Variants in CUX2 observed in about 807,000 individuals in gnomAD.
CUX2 encodes the protein homeobox protein cut-like 2.
CUX2 carries 40 observed loss-of-function variants against 144.8 expected under a neutral mutation model. The observed-to-expected ratio is 0.28, with a 90% CI of 0.21 to 0.36. The LOEUF (loss-of-function observed/expected upper bound fraction) is 0.36. Ranked by LOEUF, CUX2 falls within the 10% of genes least tolerant of loss-of-function variation. The probability of loss-of-function intolerance (pLI) is 1.00; values close to 1 mark genes in which losing one functional copy is unlikely to be tolerated. For missense variants in CUX2, 1,615 were observed against 1,994.0 expected, an observed-to-expected ratio of 0.81 and a Z score of 3.62; for synonymous variants, 827 against 875.6, an observed-to-expected ratio of 0.94 and a Z score of 0.98.
At chr12:111,067,606 G>A (rs1156710191) in intron 1 of CUX2, among the ~76,000 whole-genome samples, 1 of 152,202 alleles carries the variant, frequency 6.6e-6, no homozygotes, top group Non-Finnish European at 1.5e-5. Context: ...CCCAAAACAT[G>A]TCTCCCCATG....
intron 1 of CUX2, among the ~76,000 whole-genome samples, chr12:111,126,709 C>A (rs1005879236): frequency 6.6e-6 from 1 of 152,128 alleles, no homozygotes; most frequent in South Asian, 2.1e-4. Flanking sequence ...GTCACAGATA[C>A]CCCCAGAATA....
intron 1 of CUX2, among the ~76,000 whole-genome samples, chr12:111,198,746 G>C (rs933349910): frequency 6.6e-6 from 1 of 152,246 alleles, no homozygotes; most frequent in Non-Finnish European, 1.5e-5. Flanking sequence ...GCACTGGGGG[G>C]GATGGGGAGG....
At chr12:111,242,196 A>G (rs1255364828) in intron 3 of CUX2, among the ~76,000 whole-genome samples, 1 of 152,232 alleles carries the variant, frequency 6.6e-6, no homozygotes, top group African/African-American at 2.4e-5. Flanking sequence ...ATCGCATTGA[A>G]TCCTGGCCTG....
intron 3 of CUX2, among the ~76,000 whole-genome samples, chr12:111,240,044 A>T (rs992058413): frequency 6.6e-6 from 1 of 152,238 alleles, no homozygotes; most frequent in African/African-American, 2.4e-5. Context: ...AGCTATGCAG[A>T]CCGTATCCTT....
chr12:111,318,779 A>G (rs745947027), intron 16 of CUX2, among the ~76,000 whole-genome samples: 17 of 151,706 alleles, frequency 1.1e-4, no homozygotes, highest in Non-Finnish European at 1.9e-4. Flanking sequence ...GGCTCAAGCA[A>G]TGCTCCCAAC....
chr12:111,317,698 GAA>G (rs1359034573), intron 16 of CUX2, among the ~76,000 whole-genome samples: 2 of 152,096 alleles, frequency 1.3e-5, no homozygotes, highest in Non-Finnish European at 2.9e-5. Flanking sequence ...GAACTTGATA[GAA>G]AACATGTGAT....
intron 1 of CUX2, among the ~76,000 whole-genome samples, chr12:111,092,071 G>T (rs1872589046): frequency 6.6e-6 from 1 of 152,192 alleles, no homozygotes; most frequent in South Asian, 2.1e-4. Flanking sequence ...TTCCAAATAA[G>T]GTCACATTCT....
At chr12:111,323,040 C>T (rs1395200643) in intron 18 of CUX2, among the ~76,000 whole-genome samples, 1 of 152,308 alleles carries the variant, frequency 6.6e-6, no homozygotes, top group Non-Finnish European at 1.5e-5. Flanking sequence ...TCAGCTTTGC[C>T]CGGGTGAGGA....
chr12:111,078,192 C>G (rs1018463075), intron 1 of CUX2, among the ~76,000 whole-genome samples: 1 of 152,232 alleles, frequency 6.6e-6, no homozygotes, highest in Non-Finnish European at 1.5e-5. Flanking sequence ...CGGCACCAGA[C>G]TAGGCATCGG....
At chr12:111,281,745 G>A (rs1432468021) in intron 4 of CUX2, among the ~76,000 whole-genome samples, 1 of 152,206 alleles carries the variant, frequency 6.6e-6, no homozygotes, top group Non-Finnish European at 1.5e-5. Flanking sequence ...TTACAGATGG[G>A]GAAACTGAGG....
Position 111,095,794 on chromosome 12 carries a change from C to T in CUX2, c.63+61554C>T, listed in dbSNP as rs115186240. On this transcript the variant is annotated intron_variant, in intron 1 of 21. Coordinates refer to ENST00000261726, the MANE Select transcript of CUX2 (RefSeq NM_015267.4). ...CTACTTTTTCTCTCCATGAAATAAG[C>T]GAAACTCACAGCCTCCATTTTGTCT... 2.6e-3 allele frequency among the ~76,000 whole-genome samples: 392 copies of T among 152,286 alleles called. 2 individuals are homozygous for T. Among genetic ancestry groups the T allele is most frequent in the African/African-American group, 8.8e-3 (367 of 41,548 alleles).
intron 3 of CUX2, among the ~76,000 whole-genome samples, chr12:111,258,800 T>C (rs1883963933): frequency 6.6e-6 from 1 of 152,130 alleles, no homozygotes; most frequent in Non-Finnish European, 1.5e-5. Flanking sequence ...AGTCTCCTAC[T>C]TCAGCCTCCT....
chr12:111,223,021 G>A (rs2136234698), intron 3 of CUX2, among the ~76,000 whole-genome samples: 1 of 152,276 alleles, frequency 6.6e-6, no homozygotes, highest in East Asian at 1.9e-4. Flanking sequence ...CTTTTGGTAT[G>A]AGGGAGAGCA....
At chr12:111,067,785 G>A (rs1871083082) in intron 1 of CUX2, among the ~76,000 whole-genome samples, 1 of 152,150 alleles carries the variant, frequency 6.6e-6, no homozygotes, top group Non-Finnish European at 1.5e-5. Context: ...GGGGACAGAG[G>A]GAGGCCATAG....
intron 1 of CUX2, among the ~76,000 whole-genome samples, chr12:111,133,953 A>G (rs1179244281): frequency 2.0e-5 from 3 of 152,166 alleles, no homozygotes; most frequent in Non-Finnish European, 2.9e-5. Context: ...TCAGGGTTCC[A>G]TTCCATCACA....
At chr12:111,085,245 G>A (rs141025701) in intron 1 of CUX2, among the ~76,000 whole-genome samples, 2 of 152,320 alleles carry the variant, frequency 1.3e-5, no homozygotes, top group African/African-American at 4.8e-5. Flanking sequence ...CTTTCATTCA[G>A]TGACATTCCA....
At position 111,246,870 on chromosome 12, in the gene CUX2, C is replaced by G. The variant is rs1883305778; in HGVS notation, c.223-16891C>G. 6.6e-6 allele frequency among the ~76,000 whole-genome samples: 1 copy of G among 152,176 alleles called. No individual in the cohort carries two copies. The highest frequency in any genetic ancestry group is 6.5e-5 in the Admixed American group (1 of 15,280). ...CATGACTCCGTCCTTGACTGTCCCT[C>G]CTCAAAGCGCTGCTTCCCTGCCACC... On this transcript the variant is annotated intron_variant, in intron 3 of 21. Coordinates refer to ENST00000261726, the MANE Select transcript of CUX2 (RefSeq NM_015267.4). This position sits in a 1 kb window ranked among gnomAD's most constrained non-coding sequence, Gnocchi z 4.0.
intron 1 of CUX2, among the ~76,000 whole-genome samples, chr12:111,133,285 G>C (rs187775944): frequency 6.6e-6 from 1 of 152,088 alleles, no homozygotes; most frequent in Non-Finnish European, 1.5e-5. Context: ...CCACTCTACT[G>C]GTACCAATTT....
At chr12:111,335,436 C>T (rs1165646019) in intron 19 of CUX2, among the ~76,000 whole-genome samples, 1 of 151,544 alleles carries the variant, frequency 6.6e-6, no homozygotes, top group Admixed American at 6.6e-5. Flanking sequence ...ACAAGCTGGG[C>T]CCGGTGCCTC....
Sources: allele counts gnomAD v4.1 joint callset (sites outside exome capture counted in the v4.1 genomes callset), GRCh38; gene constraint gnomAD v4.1.1; non-coding constraint Gnocchi (gnomAD v3.1); transcripts MANE v1.5; gene names NCBI Gene and HGNC (gene_info 2026-07-23, HGNC 2026-07-21).